NUP188: variants seen among roughly 807,000 people sequenced by gnomAD.
NUP188 encodes nucleoporin NUP188.
Under a neutral mutation model 223.0 loss-of-function variants are expected in NUP188, and 97 were observed. The ratio of observed to expected loss-of-function variants is 0.43; its 90% CI spans 0.37 to 0.51. The LOEUF is 0.51. NUP188 is among the 20% of genes least tolerant of loss of function. The pLI is 0.00. For synonymous variants in NUP188, 869 were observed against 828.0 expected (o/e 1.05, Z -0.85); for missense variants, 1,947 against 2,175.6 (o/e 0.89, Z 2.09).
intron 8 of NUP188, among the ~76,000 whole-genome samples, chr9:128,967,331 TA>T (rs1842043773): frequency 6.6e-6 from 1 of 152,182 alleles, no homozygotes; most frequent in Non-Finnish European, 1.5e-5. Context: ...AAATTTTTAC[TA>T]TACCTTTATA....
chr9:128,954,189 G>A (rs1841836317), intron 3 of NUP188, among the ~76,000 whole-genome samples: 1 of 151,904 alleles, frequency 6.6e-6, no homozygotes, highest in Non-Finnish European at 1.5e-5. Flanking sequence ...TCAAGTGCCT[G>A]TAGTCTCCTC....
rs78734256 is a variant in NUP188 at position 128,962,805 on chromosome 9, T to C, written c.585+3671T>C. The stretch of plus-strand genomic sequence containing the variant: ...TTTTTAATGGGAAGCATTTTGATAA[T>C]ATCTAAAAATTTACAAAGTACATAT... On this transcript the variant is annotated intron_variant, in intron 8 of 43. Coordinates refer to ENST00000372577, the MANE Select transcript of NUP188 (RefSeq NM_015354.3). 2.4e-3 allele frequency among the ~76,000 whole-genome samples: 372 copies of C among 152,344 alleles called. 7 individuals are homozygous for C. The East Asian group carries it at 0.042, about 17-fold the overall frequency.
At chr9:128,999,981 T>C (rs189968445) in intron 34 of NUP188, among the ~76,000 whole-genome samples, 176 bp downstream of exon 34, 9 of 152,246 alleles carry the variant, frequency 5.9e-5, no homozygotes, top group Non-Finnish European at 1.3e-4. Flanking sequence ...CCCATTGTAC[T>C]GCAGGAGAGA....
intron 30 of NUP188, among the ~76,000 whole-genome samples, chr9:128,996,810 G>A (rs891196879): frequency 6.6e-6 from 1 of 151,822 alleles, no homozygotes; most frequent in African/African-American, 2.4e-5. Context: ...TGTCTCACCT[G>A]TCTACCTATA....
chr9:128,998,398 TGCCAACC>T, intron 31 of NUP188, 133 bp from the exon 32 acceptor site: 1 of 975,962 alleles, frequency 1.0e-6, no homozygotes, highest in East Asian at 2.4e-5. Context: ...GCTGCTGCCA[TGCCAACC>T]CTGGCTTCTC....
At position 128,993,575 on chromosome 9, in the gene NUP188, T is replaced by G. The variant is rs1445028210; in HGVS notation, c.2898T>G (p.Ile966Met). 1.9e-6 allele frequency: 3 copies of G among 1,614,158 alleles called. No homozygotes were observed. In the South Asian group the frequency reaches 3.3e-5, roughly 18 times the overall value. Reference protein sequence around the residue: ...WSCLHAVLELIDSQQQDRYWC... With the variant: ...WSCLHAVLELMDSQQQDRYWC... ...GTCTCCATGCAGTGCTGGAGCTGAT[T>G]GATTCCCAACAGCAAGATCGATACT... Residue 966 changes from isoleucine (I) to methionine (M), a missense_variant, in exon 27 of 44, where the codon ATT (isoleucine) becomes ATG (methionine). Ile to Met is a conservative substitution (Grantham distance 10, BLOSUM62 1). Transcript: ENST00000372577.
rs1842338363 is a variant in NUP188 at position 128,986,698 on chromosome 9, G to A, written c.2197+20G>A. The A allele has an allele frequency of 1.9e-6, 3 of 1,613,934 alleles. No individual in the cohort carries two copies. The highest frequency in any genetic ancestry group is 2.2e-5 in the East Asian group (1 of 44,894). On this transcript the variant is annotated intron_variant, in intron 21 of 43. Transcript: ENST00000372577. Reference sequence around the variant, plus strand: ...AGATTGGTAAGGACAGCATGGGCAGGGAAGACCTGGGGATTTCTGGCCCCA... The same window carrying A: ...AGATTGGTAAGGACAGCATGGGCAGAGAAGACCTGGGGATTTCTGGCCCCA...
rs567943362 is a variant in NUP188 at position 128,955,701 on chromosome 9, G to T, written c.162-649G>T. On this transcript the variant is annotated intron_variant, in intron 3 of 43. Transcript: ENST00000372577. ...GGACTTTGGTTTCTTAAGCCCTTTT[G>T]TACTTCTTTTCACTATAAGATGCTT... 3.0e-3 allele frequency among the ~76,000 whole-genome samples: 445 copies of T among 150,830 alleles called. 4 individuals carry two copies. The highest frequency in any genetic ancestry group is 5.0e-3 in the South Asian group (24 of 4,764).
chr9:129,003,095 A>G (rs1019339212), intron 37 of NUP188, 120 bp downstream of exon 37: 1 of 1,209,236 alleles, frequency 8.3e-7, no homozygotes. Context: ...CGATGCCTTC[A>G]TTTTTGAGAT....
At chr9:128,973,516 G>A (rs1292568916) in intron 12 of NUP188, among the ~76,000 whole-genome samples, 6 of 152,028 alleles carry the variant, frequency 3.9e-5, no homozygotes, top group Non-Finnish European at 8.8e-5. Context: ...CTAAGTAGCT[G>A]GAATTACAGG....
chr9:128,990,302 A>T, intron 25 of NUP188, 76 bp downstream of exon 25: 1 of 1,158,344 alleles, frequency 8.6e-7, no homozygotes. Context: ...AGACATGCTC[A>T]GGCCACGTGC....
At chr9:128,955,668 T>C (rs187370971) in intron 3 of NUP188, among the ~76,000 whole-genome samples, 45 of 152,298 alleles carry the variant, frequency 3.0e-4, no homozygotes, top group African/African-American at 1.0e-3. Context: ...TGTCATCTCC[T>C]ACCGAAAGGA....
Position 128,984,879 on chromosome 9 carries a change from TC to T in NUP188, c.1962-18del, listed in dbSNP as rs772485339. On this transcript the variant is annotated intron_variant, in intron 19 of 43. Transcript: ENST00000372577. ...CTTGAAATTTCCCTATCATTTTTTTTCCCTCTACTTCTTTTTCCAGTGCGGA... is the reference window on the plus strand; with the variant it reads ...CTTGAAATTTCCCTATCATTTTTTTTCCTCTACTTCTTTTTCCAGTGCGGA... The T allele has an allele frequency of 6.6e-7, 1 of 1,517,494 alleles. No individual in the cohort carries two copies. The highest frequency in any genetic ancestry group is 1.7e-4 in the Middle Eastern group (1 of 5,806). The allele number at this position is 1,517,494 out of a possible 1,614,324, so 94.0% of individuals were successfully genotyped here.
At position 128,993,382 on chromosome 9, in the gene NUP188, G is replaced by A. The variant is rs922637683; in HGVS notation, c.2826G>A (p.Lys942=). The change falls in exon 26 of 44, where the codon AAG becomes AAA. Residue 942 remains lysine, a synonymous_variant. Transcript: ENST00000372577. ...AACTGTTTCTGAACCTGGAAGTTAA[G>A]GATGGCAGTGATGGCTCAAAGGTAA... The part of the protein sequence containing the change: ...LIELFLNLEV[K]DGSDGSKEFS... 1.2e-6 allele frequency: 2 copies of A among 1,614,184 alleles called. No homozygotes were observed. Among genetic ancestry groups the A allele is most frequent in the Non-Finnish European group, 1.7e-6 (2 of 1,180,032 alleles).
At position 128,998,601 on chromosome 9, in the gene NUP188, ATCC is replaced by A. The variant is rs765773828; in HGVS notation, c.3500_3502del (p.Leu1167del). On this transcript the variant is annotated inframe_deletion, in exon 32 of 44. Coordinates refer to ENST00000372577, the MANE Select transcript of NUP188 (RefSeq NM_015354.3). Reference sequence around the variant, plus strand: ...CTCCATGAAGTGCACTCTGCTGCTTATCCTCCTCCGGCAGTGGAAGAGGTGAGG... The same window carrying A: ...CTCCATGAAGTGCACTCTGCTGCTTATCCTCCGGCAGTGGAAGAGGTGAGG... The A allele has an allele frequency of 1.2e-6, 2 of 1,614,148 alleles. No homozygotes were observed. The highest frequency in any genetic ancestry group is 1.7e-6 in the Non-Finnish European group (2 of 1,180,026).
intron 2 of NUP188, among the ~76,000 whole-genome samples, 178 bp downstream of exon 2, chr9:128,949,421 C>T (rs1486418025): frequency 6.6e-6 from 1 of 152,206 alleles, no homozygotes; most frequent in South Asian, 2.1e-4. Flanking sequence ...CAACCTCCGC[C>T]TCCCAGGTTC....
At chr9:128,952,997 A>G in intron 3 of NUP188, 151 bp downstream of exon 3, 1 of 613,922 alleles carries the variant, frequency 1.6e-6, no homozygotes, top group South Asian at 2.1e-5. Flanking sequence ...AGTAGGGTAC[A>G]TTTGTTTTTT....
rs1431136684 is a variant in NUP188, at chr9:128,952,818, G to A, written c.133G>A (p.Glu45Lys). ...ELNKHWRRLL[E>K]GLSYYKPPSP... ...GAATAAACATTGGCGGCGATTGTTA[G>A]AGGGGCTTTCTTACTACAAACCTCC... The change falls in exon 3 of 44, where the codon GAG becomes AAG. Residue 45 changes from glutamate to lysine, a missense_variant. By Grantham distance (56) the Glu-to-Lys change is moderately conservative (BLOSUM62 1). Transcript: ENST00000372577. 5.6e-6 allele frequency: 9 copies of A among 1,613,856 alleles called. No homozygotes were observed. The highest frequency in any genetic ancestry group is 2.2e-5 in the South Asian group (2 of 91,080).
Position 129,006,088 on chromosome 9 carries a change from G to T in NUP188, c.4908G>T (p.Gly1636=). 1 of 1,614,170 alleles carries T rather than the reference G, an allele frequency of 6.2e-7. No homozygotes were observed. Among genetic ancestry groups the T allele is most frequent in the Non-Finnish European group, 8.5e-7 (1 of 1,180,036 alleles). Residue 1636 remains glycine, a synonymous_variant, in exon 42 of 44, where the codon GGG becomes GGT. Transcript: ENST00000372577. ...KKKEPLTQAV[G]LSTQAEGTRT... ...AGGAGCCCCTCACCCAGGCAGTGGG[G>T]CTCAGCACACAGGCAGAAGGGACCA...
Sources: gnomAD v4.1 joint callset for allele counts (sites outside exome capture counted in the v4.1 genomes callset) on GRCh38, gnomAD v4.1.1 for gene constraint, MANE v1.5 for transcripts, NCBI Gene and HGNC (gene_info 2026-07-23, HGNC 2026-07-21) for gene names.